Variants in HKDC1 observed in about 807,000 individuals in gnomAD.
HKDC1 encodes hexokinase HKDC1.
In HKDC1, 66 loss-of-function variants were observed where a neutral mutation model predicts 96.6. The ratio of observed to expected loss-of-function variants is 0.68; its 90% CI spans 0.56 to 0.84. HKDC1 has a LOEUF of 0.84. Among genes scored for constraint, HKDC1 ranks in the 40% least tolerant of loss-of-function variants. The probability of loss-of-function intolerance (pLI) is 0.00; values close to 1 mark genes in which losing one functional copy is unlikely to be tolerated. For missense variants in HKDC1, 1,211 were observed against 1,208.1 expected (o/e 1.00, Z -0.04); for synonymous variants, 466 against 473.1 (o/e 0.98, Z 0.20).
rs1377053628 is a variant in HKDC1, at chr10:69,266,769, A to G, written c.*12A>G. 1.2e-6 allele frequency: 2 copies of G among 1,610,218 alleles called. No homozygotes were observed. The highest frequency in any genetic ancestry group is 1.7e-5 in the Admixed American group (1 of 59,080). ...AGAAGGAGAACTAGGAACCCCTGGG[A>G]TTGGACCTGATGCATCTTGGATACT... On this transcript the variant is annotated 3_prime_UTR_variant, in exon 18 of 18. Transcript: ENST00000354624.
At chr10:69,240,475 C>G (rs1415653905) in intron 5 of HKDC1, among the ~76,000 whole-genome samples, 177 bp from the exon 6 acceptor site, 2 of 152,182 alleles carry the variant, frequency 1.3e-5, no homozygotes, top group East Asian at 1.9e-4. Flanking sequence ...CCTGTCGGCT[C>G]TTTCTCTCCC....
At chr10:69,221,551 G>A (rs950549298) in intron 1 of HKDC1, among the ~76,000 whole-genome samples, 2 of 152,106 alleles carry the variant, frequency 1.3e-5, no homozygotes, top group African/African-American at 4.8e-5. Flanking sequence ...TATTTAGGAT[G>A]GAATGAGGAT....
intron 2 of HKDC1, among the ~76,000 whole-genome samples, chr10:69,231,363 A>G (rs2132337798): frequency 6.6e-6 from 1 of 152,182 alleles, no homozygotes; most frequent in Middle Eastern, 3.4e-3. Flanking sequence ...AATCCTTCCA[A>G]ATTTAACCTG....
At chr10:69,231,525 C>G (rs1843261491) in intron 2 of HKDC1, among the ~76,000 whole-genome samples, 2 of 152,152 alleles carry the variant, frequency 1.3e-5, no homozygotes, top group Non-Finnish European at 2.9e-5. Flanking sequence ...TCCTGCTCAC[C>G]CTTCAACACT....
rs759426935 is a variant in HKDC1, at chr10:69,257,098, G to A, written c.1899G>A (p.Val633=). 2 of 1,614,104 alleles carry A rather than the reference G, an allele frequency of 1.2e-6. No homozygotes were observed. The highest frequency in any genetic ancestry group is 1.1e-5 in the South Asian group (1 of 91,088). ...CTGACTGTGAAGGGGAGGACGTGGT[G>A]GACATGCTCAGGGAAGCCATCAAGA... ...KATDCEGEDV[V]DMLREAIKRR... is the part of the protein sequence containing the mutation. The change falls in exon 13 of 18, where the codon GTG becomes GTA. Residue 633 remains valine, a synonymous_variant. Coordinates refer to ENST00000354624, the MANE Select transcript of HKDC1 (RefSeq NM_025130.4).
At chr10:69,223,776 G>T in intron 1 of HKDC1, among the ~76,000 whole-genome samples, 2 of 150,180 alleles carry the variant, frequency 1.3e-5, no homozygotes, top group Admixed American at 6.6e-5. Flanking sequence ...GTAGAGACAG[G>T]GTTTCGCTGT....
At chr10:69,260,326 C>A (rs1480027983) in intron 15 of HKDC1, among the ~76,000 whole-genome samples, 4 of 152,156 alleles carry the variant, frequency 2.6e-5, no homozygotes, top group Non-Finnish European at 5.9e-5. Context: ...CCAGCTGAAG[C>A]AAGGATTGCT....
intron 1 of HKDC1, among the ~76,000 whole-genome samples, chr10:69,223,974 T>A (rs9665513): frequency 1.3e-5 from 2 of 151,230 alleles, no homozygotes; most frequent in African/African-American, 4.8e-5. Context: ...TTTGGGAGGC[T>A]GAGGCGGGAT....
chr10:69,239,191 T>C, intron 5 of HKDC1, 54 bp downstream of exon 5: 1 of 1,384,152 alleles, frequency 7.2e-7, no homozygotes, highest in Non-Finnish European at 1.0e-6. Flanking sequence ...TCCTTTCTCT[T>C]GGGTTGGTGG....
intron 7 of HKDC1, 32 bp downstream of exon 7, chr10:69,243,397 G>A (rs750262235): frequency 5.2e-6 from 8 of 1,523,820 alleles, no homozygotes; most frequent in South Asian, 3.9e-5. Flanking sequence ...TCTGGGCATC[G>A]GCACCAGGCA....
At position 69,227,220 on chromosome 10, in the gene HKDC1, T is replaced by A. The variant is rs1174394401; in HGVS notation, c.77T>A (p.Leu26Gln). 1 of 1,614,064 alleles carries A rather than the reference T, an allele frequency of 6.2e-7. No homozygotes were observed. The highest frequency in any genetic ancestry group is 1.3e-5 in the African/African-American group (1 of 74,918). ...EDQIKKVDRF[L>Q]YHMRLSDDTL... Reference sequence around the variant, plus strand: ...TGTCTGTTCCAGGTGGACAGGTTCCTGTATCACATGCGGCTCTCCGATGAC... The same window carrying A: ...TGTCTGTTCCAGGTGGACAGGTTCCAGTATCACATGCGGCTCTCCGATGAC... The change falls in exon 2 of 18, where the codon CTG becomes CAG. Residue 26 changes from leucine to glutamine, a missense_variant. Leu to Gln is a moderately radical substitution (Grantham distance 113). Coordinates refer to ENST00000354624, the MANE Select transcript of HKDC1 (RefSeq NM_025130.4).
At position 69,265,790 on chromosome 10, in the gene HKDC1, G is replaced by A; in HGVS notation, c.2578G>A (p.Asp860Asn). 1 of 1,613,094 alleles carries A rather than the reference G, an allele frequency of 6.2e-7. No individual in the cohort carries two copies. The highest frequency in any genetic ancestry group is 1.1e-5 in the South Asian group (1 of 91,014). The change falls in exon 17 of 18, where the codon GAC becomes AAC. Residue 860 changes from aspartate (D) to asparagine (N), a missense_variant. By Grantham distance (23) the Asp-to-Asn change is conservative. Transcript: ENST00000354624. ...LEHLRITVGV[D>N]GTLYKLHPHF... is the part of the protein sequence containing the mutation. ...GCACCTGAGGATCACTGTGGGTGTGGACGGCACCCTGTACAAGCTGCACCC... is the reference window on the plus strand; with the variant it reads ...GCACCTGAGGATCACTGTGGGTGTGAACGGCACCCTGTACAAGCTGCACCC...
At chr10:69,220,710 C>T (rs768678994) in intron 1 of HKDC1, among the ~76,000 whole-genome samples, 3 of 152,194 alleles carry the variant, frequency 2.0e-5, no homozygotes, top group South Asian at 4.1e-4. Flanking sequence ...ACACTTCACT[C>T]GGAACTTCCT....
chr10:69,264,226 TGTGTGTGTGTGTG>T (rs1214062641), intron 16 of HKDC1, among the ~76,000 whole-genome samples: 8 of 151,812 alleles, frequency 5.3e-5, no homozygotes, highest in Non-Finnish European at 7.4e-5. Flanking sequence ...TGTGTGTGTG[TGTGTGTGTGTGTG>T]TGTCTTTTTT....
At position 69,265,813 on chromosome 10, in the gene HKDC1, C is replaced by G; in HGVS notation, c.2601C>G (p.His867Gln). The change falls in exon 17 of 18, where the codon CAC (histidine) becomes CAG (glutamine). Residue 867 changes from histidine to glutamine, a missense_variant. His to Gln is a conservative substitution (Grantham distance 24). Transcript: ENST00000354624. The part of the protein sequence containing the change: ...VGVDGTLYKL[H>Q]PHFSRILQET... ...TGGACGGCACCCTGTACAAGCTGCACCCTCAGTGAGTGCCCACAAGAGGCG... is the reference window on the plus strand; with the variant it reads ...TGGACGGCACCCTGTACAAGCTGCAGCCTCAGTGAGTGCCCACAAGAGGCG... The G allele has an allele frequency of 6.2e-7, 1 of 1,610,476 alleles. No homozygotes were observed. Among genetic ancestry groups the G allele is most frequent in the African/African-American group, 1.3e-5 (1 of 74,922 alleles).
At chr10:69,264,565 T>C (rs547568892) in intron 16 of HKDC1, among the ~76,000 whole-genome samples, 3 of 152,170 alleles carry the variant, frequency 2.0e-5, no homozygotes, top group African/African-American at 7.2e-5. Context: ...TGGGGTCTTG[T>C]TATGTAGCCC....
chr10:69,243,021 T>C (rs1195495861), intron 6 of HKDC1, among the ~76,000 whole-genome samples, 161 bp from the exon 7 acceptor site: 1 of 152,244 alleles, frequency 6.6e-6, no homozygotes, highest in African/African-American at 2.4e-5. Flanking sequence ...CCCCATGTGC[T>C]TGGGGCTTGC....
Position 69,258,921 on chromosome 10 carries a change from G to A in HKDC1, c.2178G>A (p.Thr726=), listed in dbSNP as rs367554536. ...ATGACATCTGGACCCGATACGACAC[G>A]GAGGTGGATGAGGGGTCCTTGAATC... is the stretch of plus-strand genomic sequence containing the variant. ...CIDDIWTRYD[T]EVDEGSLNPG... is the part of the protein sequence containing the mutation. Residue 726 remains threonine (T), a synonymous_variant, in exon 15 of 18, where the codon ACG becomes ACA. Coordinates refer to ENST00000354624, the MANE Select transcript of HKDC1 (RefSeq NM_025130.4). 3.8e-5 allele frequency: 60 copies of A among 1,599,376 alleles called. No individual in the cohort carries two copies. The highest frequency in any genetic ancestry group is 2.2e-4 in the East Asian group (10 of 44,656).
chr10:69,227,851 C>T (rs1002016771), intron 2 of HKDC1, among the ~76,000 whole-genome samples: 31 of 152,138 alleles, frequency 2.0e-4, no homozygotes, highest in Non-Finnish European at 3.2e-4. Context: ...GTAATGGGAG[C>T]AAGAATGATG....
Sources: allele counts gnomAD v4.1 joint callset (sites outside exome capture counted in the v4.1 genomes callset), GRCh38; gene constraint gnomAD v4.1.1; transcripts MANE v1.5; gene names NCBI Gene and HGNC (gene_info 2026-07-23, HGNC 2026-07-21).